ECHDC2: variants seen among roughly 807,000 people sequenced by gnomAD.
The protein encoded by ECHDC2 is enoyl-CoA hydratase domain-containing protein 2, mitochondrial.
In ECHDC2, 34 loss-of-function variants were observed where a neutral mutation model predicts 40.6. The observed-to-expected ratio is 0.84, with a 90% CI of 0.64 to 1.11. The LOEUF (loss-of-function observed/expected upper bound fraction) is 1.11, where lower values mean the gene tolerates loss of function less well. Ranked by LOEUF, ECHDC2 falls within the 50% of genes most tolerant of loss-of-function variation. ECHDC2 has a pLI of 0.00. For synonymous variants in ECHDC2, 162 were observed against 166.6 expected, an observed-to-expected ratio of 0.97 and a Z score of 0.21; for missense variants, 392 against 400.7, an observed-to-expected ratio of 0.98 and a Z score of 0.19.
At chr1:52,921,487 C>T (rs1273720492) in intron 1 of ECHDC2, 66 bp downstream of exon 1, 2 of 1,535,964 alleles carry the variant, frequency 1.3e-6, no homozygotes, top group African/African-American at 1.4e-5. Context: ...GCCCACCTGC[C>T]GGTCCCCCGC....
At chr1:52,909,385 CA>C (rs1412384167) in intron 3 of ECHDC2, among the ~76,000 whole-genome samples, 10 of 152,144 alleles carry the variant, frequency 6.6e-5, no homozygotes, top group African/African-American at 2.2e-4. Flanking sequence ...GTAGTATTTG[CA>C]ATATGACCTA....
intron 4 of ECHDC2, 194 bp downstream of exon 4, chr1:52,907,674 G>A (rs1047487794): frequency 3.6e-6 from 2 of 556,102 alleles, no homozygotes; most frequent in African/African-American, 3.8e-5. Context: ...GGACACAAAA[G>A]CTGAAGAGCC....
chr1:52,899,277 C>A, intron 7 of ECHDC2, 53 bp from the exon 8 acceptor site: 1 of 1,575,136 alleles, frequency 6.3e-7, no homozygotes, highest in Non-Finnish European at 8.7e-7. Context: ...CTGATAGTTG[C>A]AGGTCTGAGG....
Position 52,906,590 on chromosome 1 carries a change from ATGG to A in ECHDC2, c.383_385del (p.Thr128del). On this transcript the variant is annotated inframe_deletion, in exon 5 of 10. Coordinates refer to ENST00000371522, the MANE Select transcript of ECHDC2 (RefSeq NM_001198961.2). ...CAAGGCAAACCCATCCATAGCCGCA[ATGG>A]TGGGTGCAGGGAAGGCTGCTGTGGA... 6.2e-7 allele frequency: 1 copy of A among 1,612,056 alleles called. No homozygotes were observed. The highest frequency in any genetic ancestry group is 8.5e-7 in the Non-Finnish European group (1 of 1,179,486).
At chr1:52,912,973 A>C (rs1649899610) in intron 1 of ECHDC2, 4 of 152,176 alleles carry the variant, frequency 2.6e-5, no homozygotes, top group Admixed American at 2.6e-4. Context: ...GGTGTGAGCC[A>C]CCACACCCGG....
chr1:52,920,727 T>C, intron 1 of ECHDC2: 1 of 559,322 alleles, frequency 1.8e-6, no homozygotes, highest in Non-Finnish European at 3.2e-6. Context: ...GTTGTACATT[T>C]AAGAATAAAC....
chr1:52,902,266 C>T (rs902227400), intron 7 of ECHDC2, among the ~76,000 whole-genome samples: 16 of 152,232 alleles, frequency 1.1e-4, no homozygotes, highest in African/African-American at 2.9e-4. Context: ...AAGTGATTCT[C>T]GTGCCTCAGC....
At chr1:52,905,330 C>A (rs1647503433) in intron 5 of ECHDC2, 2 of 564,342 alleles carry the variant, frequency 3.5e-6, no homozygotes, top group Non-Finnish European at 6.3e-6. Flanking sequence ...CAAGTCTCAC[C>A]CTTCCCAAGC....
intron 1 of ECHDC2, among the ~76,000 whole-genome samples, chr1:52,919,045 A>G (rs1450957321): frequency 6.6e-6 from 1 of 152,204 alleles, no homozygotes; most frequent in African/African-American, 2.4e-5. Flanking sequence ...TGAACTGTGC[A>G]TGTGAGGAAT....
intron 3 of ECHDC2, among the ~76,000 whole-genome samples, chr1:52,910,974 C>T (rs1481006541): frequency 6.6e-6 from 1 of 152,172 alleles, no homozygotes; most frequent in Non-Finnish European, 1.5e-5. Context: ...TCCAGCCCTT[C>T]TGTGAGAGAT....
intron 1 of ECHDC2, chr1:52,913,984 C>T (rs1571987188): frequency 3.3e-6 from 4 of 1,202,336 alleles, no homozygotes; most frequent in East Asian, 1.2e-4. Context: ...ATCAGATTCT[C>T]TTCATTCACT....
chr1:52,916,118 C>T (rs898804792), intron 1 of ECHDC2, among the ~76,000 whole-genome samples: 3 of 152,166 alleles, frequency 2.0e-5, no homozygotes, highest in African/African-American at 4.8e-5. Context: ...CCTGGCAAGA[C>T]CTGAAGCAGA....
At position 52,904,705 on chromosome 1, in the gene ECHDC2, C is replaced by G; in HGVS notation, c.643G>C (p.Glu215Gln). The G allele has an allele frequency of 6.2e-7, 1 of 1,612,250 alleles. No individual in the cohort carries two copies. The change falls in exon 7 of 10, where the codon GAG becomes CAG. Residue 215 changes from glutamate (E) to glutamine (Q), a missense_variant. Physicochemically the swap from Glu to Gln is conservative, Grantham distance 29. Coordinates refer to ENST00000371522, the MANE Select transcript of ECHDC2 (RefSeq NM_001198961.2). ...CGCTGGTAGGCGGCGTCCCCCTCCT[C>G]GTTCTGGGCCACAGCGTGATTCACC... ...GLVNHAVAQN[E>Q]EGDAAYQRAR...
At chr1:52,920,449 G>C (rs2150076824) in intron 1 of ECHDC2, 2 of 1,262,188 alleles carry the variant, frequency 1.6e-6, no homozygotes, top group Admixed American at 3.9e-5. Context: ...AACAGCCCAA[G>C]AATGCAGGCC....
In ECHDC2 at chr1:52,921,705, C is replaced by G. The variant is rs745957302; in HGVS notation, c.-32G>C. On this transcript the variant is annotated 5_prime_UTR_variant, in exon 1 of 10. Transcript: ENST00000371522. ...GCAGGCTGGGAGTGAAGGTGCTTCT[C>G]CGGCCCTGCACCGTCTCGGCTCCCG... 6.7e-7 allele frequency: 1 copy of G among 1,498,696 alleles called. No individual in the cohort carries two copies. The highest frequency in any genetic ancestry group is 8.9e-7 in the Non-Finnish European group (1 of 1,126,262). The allele number at this position is 1,498,696 out of a possible 1,614,324, so 92.8% of individuals were successfully genotyped here. A position where few individuals can be genotyped will look rare whatever the true frequency, so the allele number is the denominator to read the frequency against.
chr1:52,906,745 C>A, intron 4 of ECHDC2, 134 bp from the exon 5 acceptor site: 3 of 558,954 alleles, frequency 5.4e-6, no homozygotes, highest in Admixed American at 3.4e-5. Context: ...CATGGAACCT[C>A]AGCCAGGTTA....
At chr1:52,903,199 C>T (rs1057398958) in intron 7 of ECHDC2, among the ~76,000 whole-genome samples, 1 of 152,004 alleles carries the variant, frequency 6.6e-6, no homozygotes, top group Non-Finnish European at 1.5e-5. Flanking sequence ...CTGACCTGCT[C>T]CCTACTGAGC....
rs1411202622 is a variant in ECHDC2 at position 52,907,870 on chromosome 1, A to C, written c.362T>G (p.Ile121Ser). 6.2e-7 allele frequency: 1 copy of C among 1,610,332 alleles called. No individual in the cohort carries two copies. The change falls in exon 4 of 10, where the codon ATC (isoleucine) becomes AGC (serine). Residue 121 changes from isoleucine (I) to serine (S), a missense_variant and splice_region_variant. Physicochemically the swap from Ile to Ser is moderately radical, Grantham distance 142. Transcript: ENST00000371522. ...CCACCCCACACCCAGATCCTCACCGATGTCATTCATCAGGCCCCGGAGTCG... is the reference window on the plus strand; with the variant it reads ...CCACCCCACACCCAGATCCTCACCGCTGTCATTCATCAGGCCCCGGAGTCG... ...VQRLRGLMND[I>S]AAFPAPTIAA...
Position 52,904,782 on chromosome 1 carries a change from A to T in ECHDC2, c.566T>A (p.Leu189His), listed in dbSNP as rs1647316394. 1.9e-6 allele frequency: 3 copies of T among 1,613,126 alleles called. No individual in the cohort carries two copies. The highest frequency in any genetic ancestry group is 1.7e-6 in the Non-Finnish European group (2 of 1,179,960). ...RCLGVALAKE[L>H]IFTGRRLSGT... Reference sequence around the variant, plus strand: ...ACTCAGTCGTCGGCCCGTGAAGATGAGCTCCTTCGCCAGGGCCACCCCCAG... The same window carrying T: ...ACTCAGTCGTCGGCCCGTGAAGATGTGCTCCTTCGCCAGGGCCACCCCCAG... Residue 189 changes from leucine (L) to histidine (H), a missense_variant, in exon 7 of 10, where the codon CTC (leucine) becomes CAC (histidine). Leu to His is a moderately conservative substitution (Grantham distance 99). Coordinates refer to ENST00000371522, the MANE Select transcript of ECHDC2 (RefSeq NM_001198961.2).
Sources: allele counts gnomAD v4.1 joint callset (sites outside exome capture counted in the v4.1 genomes callset), GRCh38; gene constraint gnomAD v4.1.1; transcripts MANE v1.5; gene names NCBI Gene and HGNC (gene_info 2026-07-23, HGNC 2026-07-21).